Variants in CPNE4 observed in about 807,000 individuals in gnomAD.
The protein encoded by CPNE4 is copine-4.
A neutral mutation model predicts 67.9 loss-of-function variants in CPNE4; 25 were observed. The observed-to-expected ratio is 0.37, with a 90% confidence interval of 0.27 to 0.51. The LOEUF is 0.51. Ranked by LOEUF, CPNE4 falls within the 20% of genes least tolerant of loss-of-function variation. CPNE4 has a pLI of 0.93. For missense variants in CPNE4, 464 were observed against 690.8 expected, an observed-to-expected ratio of 0.67 and a Z score of 3.68; for synonymous variants, 242 against 244.9, an observed-to-expected ratio of 0.99 and a Z score of 0.11.
intron 2 of CPNE4, among the ~76,000 whole-genome samples, chr3:131,863,390 T>C (rs1362504533): frequency 6.6e-6 from 1 of 152,222 alleles, no homozygotes; most frequent in Admixed American, 6.5e-5. Context: ...GACTTTTTAA[T>C]GATCGCCATT....
rs540262416 is a variant in CPNE4 at position 131,927,819 on chromosome 3, T to C, written c.-1-22375A>G. On this transcript the variant is annotated intron_variant, in intron 1 of 15. Transcript: ENST00000429747. ...CTGGCTTTGTCTTTGTAGCAGGACA[T>C]AGAAGTAGCTGGATCATGCTTGAGA... Among the ~76,000 whole-genome samples the C allele has an allele frequency of 2.0e-5, 3 of 152,290 alleles. 1 individual carries two copies. In the South Asian group the frequency reaches 6.2e-4, roughly 32 times the overall value.
intron 2 of CPNE4, among the ~76,000 whole-genome samples, chr3:131,899,963 C>A (rs1337502919): frequency 6.6e-6 from 1 of 152,050 alleles, no homozygotes; most frequent in African/African-American, 2.4e-5. Context: ...CTTCTCTGGG[C>A]AAGCTCAACA....
intron 10 of CPNE4, among the ~76,000 whole-genome samples, chr3:131,571,357 A>G (rs6771189): frequency 0.1 from 15,228 of 151,874 alleles, 1,601 homozygotes; most frequent in African/African-American, 0.27. Context: ...ATCTCATCCA[A>G]AGCCACATAC....
chr3:131,766,285 C>G (rs1250069765), intron 2 of CPNE4, among the ~76,000 whole-genome samples: 1 of 11,896 alleles, frequency 8.4e-5, no homozygotes, highest in Non-Finnish European at 2.7e-4. Flanking sequence ...GAAGATTAAG[C>G]AAAGTGTTTT....
chr3:131,860,692 T>A (rs61326902), intron 2 of CPNE4, among the ~76,000 whole-genome samples: 4 of 151,158 alleles, frequency 2.6e-5, no homozygotes, highest in African/African-American at 4.9e-5. Context: ...TTGGTTTTTT[T>A]ATCTGGAAAT....
At chr3:132,013,107 C>T (rs2073810797) in intron 1 of CPNE4, among the ~76,000 whole-genome samples, 2 of 152,274 alleles carry the variant, frequency 1.3e-5, no homozygotes, top group South Asian at 4.2e-4. Flanking sequence ...CCTGTAATCC[C>T]AGCTACTCAG....
chr3:131,667,688 A>G (rs927754220), intron 7 of CPNE4, among the ~76,000 whole-genome samples: 6 of 147,030 alleles, frequency 4.1e-5, no homozygotes, highest in Non-Finnish European at 6.0e-5. Context: ...TCTCTCCTCT[A>G]TCATCTATCA....
In CPNE4 at chr3:131,826,566, TTTTG is replaced by T. The variant is rs199524623; in HGVS notation, c.180+78694_180+78697del. On this transcript the variant is annotated intron_variant, in intron 2 of 15. Transcript: ENST00000429747. ...TCTTCACAGACAGCCCAAGTTGTTT[TTTTG>T]TTTGTTTGTTTGTTCGCTTTTTCTC... Among the ~76,000 whole-genome samples the T allele has an allele frequency of 6.5e-3, 994 of 152,288 alleles. 11 individuals carry two copies. Among genetic ancestry groups the T allele is most frequent in the African/African-American group, 0.022 (903 of 41,558 alleles).
chr3:131,731,117 C>T (rs1240933443), intron 2 of CPNE4, among the ~76,000 whole-genome samples: 5 of 152,180 alleles, frequency 3.3e-5, no homozygotes, highest in Non-Finnish European at 5.9e-5. Flanking sequence ...TTGAACCCTG[C>T]CTTCATCCTC....
chr3:131,700,054 C>CTT (rs3035263), intron 3 of CPNE4, 74 bp from the exon 4 acceptor site: 22,753 of 252,434 alleles, frequency 0.09, 1,546 homozygotes, highest in African/African-American at 0.19. Context: ...TTTTTTAAAC[C>CTT]TTTTTTTTTT....
chr3:131,671,638 A>T (rs1382190704), intron 6 of CPNE4, among the ~76,000 whole-genome samples: 1 of 152,160 alleles, frequency 6.6e-6, no homozygotes, highest in Non-Finnish European at 1.5e-5. Flanking sequence ...CCTCCCCATT[A>T]GAGTAAAAGG....
chr3:131,548,220 A>G (rs1470149196), intron 14 of CPNE4, among the ~76,000 whole-genome samples: 1 of 152,154 alleles, frequency 6.6e-6, no homozygotes, highest in Non-Finnish European at 1.5e-5. Context: ...AGTTTTACAA[A>G]AGAAAATGTA....
At chr3:131,579,589 T>C (rs1937654774) in intron 9 of CPNE4, among the ~76,000 whole-genome samples, 1 of 152,220 alleles carries the variant, frequency 6.6e-6, no homozygotes, top group South Asian at 2.1e-4. Context: ...TTAAGAACAT[T>C]CATGAGTCAT....
At chr3:131,538,358 G>A (rs1935286203) in intron 15 of CPNE4, among the ~76,000 whole-genome samples, 1 of 152,236 alleles carries the variant, frequency 6.6e-6, no homozygotes, top group Admixed American at 6.5e-5. Flanking sequence ...ATATTGGACA[G>A]CATTGTTCCC....
At chr3:131,752,222 C>A (rs2082646343) in intron 2 of CPNE4, among the ~76,000 whole-genome samples, 1 of 152,074 alleles carries the variant, frequency 6.6e-6, no homozygotes, top group Admixed American at 6.6e-5. Context: ...GTTAGGTCAT[C>A]TTATTATAGC....
At chr3:132,025,203 T>C (rs892675300) in intron 1 of CPNE4, among the ~76,000 whole-genome samples, 1 of 152,228 alleles carries the variant, frequency 6.6e-6, no homozygotes, top group Non-Finnish European at 1.5e-5. Flanking sequence ...ATATGTTGTC[T>C]AATGCTGGCA....
rs114502150 is a variant in CPNE4 at position 131,773,254 on chromosome 3, C to A, written c.181-49629G>T. The stretch of plus-strand genomic sequence containing the variant: ...ATTTAAGGAAAGATTTAGCTGCCAT[C>A]AGCAAGGACATACCTGTTTTATTTT... On this transcript the variant is annotated intron_variant, in intron 2 of 15. Coordinates refer to ENST00000429747, the MANE Select transcript of CPNE4 (RefSeq NM_130808.3). Among the ~76,000 whole-genome samples the A allele has an allele frequency of 9.0e-3, 1,363 of 152,218 alleles. 18 individuals are homozygous for A. Among genetic ancestry groups the A allele is most frequent in the African/African-American group, 0.03 (1,263 of 41,542 alleles).
At chr3:131,925,723 T>C (rs1321360866) in intron 1 of CPNE4, 1 of 152,228 alleles carries the variant, frequency 6.6e-6, no homozygotes, top group Non-Finnish European at 1.5e-5. Flanking sequence ...AATTCTTGCA[T>C]CAACCCTCTG....
intron 11 of CPNE4, among the ~76,000 whole-genome samples, chr3:131,558,106 G>A (rs150122020): frequency 1.1e-4 from 17 of 151,878 alleles, no homozygotes; most frequent in Non-Finnish European, 1.0e-4. Context: ...CTATGTAATC[G>A]AGTTTCAAGA....
Sources: allele counts gnomAD v4.1 joint callset (sites outside exome capture counted in the v4.1 genomes callset), GRCh38; gene constraint gnomAD v4.1.1; transcripts MANE v1.5; gene names NCBI Gene and HGNC (gene_info 2026-07-23, HGNC 2026-07-21).